The following MAGI2 variants were observed in gnomAD, a reference collection of about 807,000 sequenced individuals.
MAGI2 encodes membrane associated guanylate kinase, WW and PDZ domain containing 2, also known as membrane-associated guanylate kinase, WW and PDZ domain-containing protein 2.
In MAGI2, 35 loss-of-function variants were observed where a neutral mutation model predicts 133.3. That is an observed-to-expected ratio of 0.26 (90% CI 0.20 to 0.35). MAGI2 has a LOEUF of 0.35. MAGI2 is among the 10% of genes least tolerant of loss of function. MAGI2 has a pLI of 1.00. For missense variants in MAGI2, 1,636 were observed against 1,863.4 expected (o/e 0.88, Z 2.25); for synonymous variants, 729 against 710.6 (o/e 1.03, Z -0.41).
chr7:79,263,275 G>C (rs1001980833), intron 1 of MAGI2, among the ~76,000 whole-genome samples: 1 of 152,084 alleles, frequency 6.6e-6, no homozygotes, highest in Admixed American at 6.6e-5. Context: ...ATTTTATCAT[G>C]TAATCTTCAA....
intron 21 of MAGI2, among the ~76,000 whole-genome samples, chr7:78,060,176 A>T (rs566707095): frequency 6.6e-6 from 1 of 152,272 alleles, no homozygotes; most frequent in Non-Finnish European, 1.5e-5. Context: ...TCCACTCAAC[A>T]ATTAACACAG....
At chr7:78,430,747 C>T (rs1004603367) in intron 6 of MAGI2, among the ~76,000 whole-genome samples, 1 of 152,072 alleles carries the variant, frequency 6.6e-6, no homozygotes, top group East Asian at 1.9e-4. Context: ...TCCCCCTAAG[C>T]AACCACTAGT....
At chr7:78,630,601 G>A (rs976192267) in intron 2 of MAGI2, among the ~76,000 whole-genome samples, 1 of 151,730 alleles carries the variant, frequency 6.6e-6, no homozygotes, top group South Asian at 2.1e-4. Flanking sequence ...AGTTTTAGTA[G>A]AGACTGGGTT....
chr7:79,078,766 A>T (rs1328002903), intron 1 of MAGI2, among the ~76,000 whole-genome samples: 2 of 151,050 alleles, frequency 1.3e-5, no homozygotes, highest in African/African-American at 4.9e-5. Flanking sequence ...ACACATTTTT[A>T]AAAACTTATT....
At chr7:79,149,560 G>A (rs1019897948) in intron 1 of MAGI2, among the ~76,000 whole-genome samples, 1 of 152,094 alleles carries the variant, frequency 6.6e-6, no homozygotes, top group Non-Finnish European at 1.5e-5. Flanking sequence ...TTCAAAGACT[G>A]AGCATTGAAG....
intron 1 of MAGI2, among the ~76,000 whole-genome samples, chr7:79,034,176 C>T (rs1810897236): frequency 6.6e-6 from 1 of 152,132 alleles, no homozygotes; most frequent in Non-Finnish European, 1.5e-5. Flanking sequence ...ATGGAGCTGT[C>T]ACAGGACTGA....
intron 4 of MAGI2, among the ~76,000 whole-genome samples, chr7:78,502,277 A>C (rs574080822): frequency 1.3e-5 from 2 of 152,218 alleles, no homozygotes; most frequent in East Asian, 1.9e-4. Flanking sequence ...GAAGGGTAAA[A>C]GGGAGAATTG....
At chr7:79,370,768 A>G (rs1441684146) in intron 1 of MAGI2, among the ~76,000 whole-genome samples, 1 of 152,090 alleles carries the variant, frequency 6.6e-6, no homozygotes, top group Non-Finnish European at 1.5e-5. Context: ...GAATAACCCA[A>G]TCTTCACGCT....
chr7:79,142,464 T>C (rs1302343269), intron 1 of MAGI2, among the ~76,000 whole-genome samples: 1 of 152,178 alleles, frequency 6.6e-6, no homozygotes, highest in Non-Finnish European at 1.5e-5. Flanking sequence ...TACAACCTTA[T>C]GGCTGCATGC....
chr7:79,127,133 TC>T (rs1381393968), intron 1 of MAGI2, among the ~76,000 whole-genome samples: 2 of 152,192 alleles, frequency 1.3e-5, no homozygotes, highest in Non-Finnish European at 2.9e-5. Context: ...CATGAACTCA[TC>T]CTTTTTTATG....
intron 1 of MAGI2, among the ~76,000 whole-genome samples, chr7:79,405,942 T>C (rs1384084683): frequency 7.8e-6 from 1 of 128,078 alleles, no homozygotes; most frequent in Admixed American, 7.8e-5. Flanking sequence ...AAAAAAAAAA[T>C]GGAGCCCTTT....
chr7:78,851,638 T>A (rs1426252148), intron 2 of MAGI2, among the ~76,000 whole-genome samples: 1 of 152,192 alleles, frequency 6.6e-6, no homozygotes, highest in Non-Finnish European at 1.5e-5. Context: ...TATTGTTTAA[T>A]TCTGCTCATT....
At chr7:78,255,747 CAAAATAGA>C (rs2150949698) in intron 10 of MAGI2, 188 bp downstream of exon 10, 1 of 652,382 alleles carries the variant, frequency 1.5e-6, no homozygotes, top group East Asian at 2.7e-5. Flanking sequence ...GTGTTTAATA[CAAAATAGA>C]AAAAGACATA....
chr7:78,213,698 G>A (rs1343750473), intron 10 of MAGI2, among the ~76,000 whole-genome samples: 2 of 152,184 alleles, frequency 1.3e-5, no homozygotes, highest in Admixed American at 1.3e-4. Flanking sequence ...ACCAATCTGA[G>A]CTGTACCTCA....
Position 78,782,888 on chromosome 7 carries a change from T to A in MAGI2, c.419-155649A>T, listed in dbSNP as rs546105504. Among the ~76,000 whole-genome samples the A allele has an allele frequency of 2.4e-4, 36 of 152,280 alleles. 2 individuals carry two copies. The highest frequency in any genetic ancestry group is 2.4e-3 in the Admixed American group (36 of 15,296). On this transcript the variant is annotated intron_variant, in intron 2 of 21. Coordinates refer to ENST00000354212, the MANE Select transcript of MAGI2 (RefSeq NM_012301.4). ...CTAAACCTTGTGCATCTCTCAGACTTCTTTTGGGAACTTTAAGAATACATA... is the reference window on the plus strand; with the variant it reads ...CTAAACCTTGTGCATCTCTCAGACTACTTTTGGGAACTTTAAGAATACATA...
intron 6 of MAGI2, among the ~76,000 whole-genome samples, chr7:78,389,702 C>T (rs1393080696): frequency 9.0e-6 from 1 of 110,724 alleles, no homozygotes; most frequent in Non-Finnish European, 2.2e-5. Flanking sequence ...CTGTTTGCCC[C>T]GCATTTCAGG....
intron 1 of MAGI2, among the ~76,000 whole-genome samples, chr7:79,024,968 A>G (rs1449084787): frequency 2.0e-5 from 3 of 152,212 alleles, no homozygotes; most frequent in Non-Finnish European, 1.5e-5. Flanking sequence ...AACTTAAAAT[A>G]GATCTACTAT....
At chr7:79,279,659 A>G (rs1835482807) in intron 1 of MAGI2, among the ~76,000 whole-genome samples, 1 of 152,106 alleles carries the variant, frequency 6.6e-6, no homozygotes, top group South Asian at 2.1e-4. Flanking sequence ...ACAGAGCAAG[A>G]CCCGATCTCA....
rs573290332 is a variant in MAGI2 at position 78,882,463 on chromosome 7, C to T, written c.418+124627G>A. Among the ~76,000 whole-genome samples the T allele has an allele frequency of 4.6e-5, 7 of 152,096 alleles. No individual in the cohort carries two copies. The South Asian group carries it at 1.5e-3, about 32-fold the overall frequency. On this transcript the variant is annotated intron_variant, in intron 2 of 21. Transcript: ENST00000354212. The stretch of plus-strand genomic sequence containing the variant: ...CACAGAAAAACTGGTACCAATTCTA[C>T]TAAAATTATTCCAAAAAATCAAAAA...
Sources: allele counts gnomAD v4.1 joint callset (sites outside exome capture counted in the v4.1 genomes callset), GRCh38; gene constraint gnomAD v4.1.1; transcripts MANE v1.5; gene names NCBI Gene and HGNC (gene_info 2026-07-23, HGNC 2026-07-21).